The following LEPROTL1 variants were observed in gnomAD, a reference collection of about 807,000 sequenced individuals.
LEPROTL1 encodes the protein leptin receptor overlapping transcript like 1.
A neutral mutation model predicts 15.4 loss-of-function variants in LEPROTL1; 6 were observed. The ratio of observed to expected loss-of-function variants is 0.39; its 90% CI spans 0.21 to 0.77. LEPROTL1 has a LOEUF of 0.77. Ranked by LOEUF, LEPROTL1 falls within the 30% of genes least tolerant of loss-of-function variation. The pLI is 0.41. For missense variants in LEPROTL1, 128 were observed against 158.1 expected (o/e 0.81, Z 1.02); for synonymous variants, 56 against 52.6 (o/e 1.06, Z -0.28).
intron 3 of LEPROTL1, among the ~76,000 whole-genome samples, chr8:30,128,578 C>T (rs1725691458): frequency 6.6e-6 from 1 of 151,932 alleles, no homozygotes; most frequent in African/African-American, 2.4e-5. Flanking sequence ...TGGCAAAACC[C>T]TGTCTGTACA....
intron 2 of LEPROTL1, among the ~76,000 whole-genome samples, chr8:30,103,959 A>C (rs1038810842): frequency 6.6e-6 from 1 of 152,200 alleles, no homozygotes; most frequent in Admixed American, 6.5e-5. Flanking sequence ...TGCCAGAGTC[A>C]TAAGATCTTA....
chr8:30,132,951 TTC>T (rs148689669), intron 4 of LEPROTL1: 40,650 of 1,466,166 alleles, frequency 0.028, 736 homozygotes, highest in Non-Finnish European at 0.031. Flanking sequence ...TCTGTATTTA[TTC>T]TCTCTCTCTT....
chr8:30,135,602 TGAG>T (rs922729008), intron 4 of LEPROTL1, among the ~76,000 whole-genome samples: 6 of 152,058 alleles, frequency 3.9e-5, no homozygotes, highest in South Asian at 2.1e-4. Context: ...GCAAGATTAT[TGAG>T]GAGAACAATG....
chr8:30,107,831 T>G lies in LEPROTL1; in HGVS notation c.*1969T>G. Reference sequence around the variant, plus strand: ...GTCAGTGCAGTGCACTGCTACTGTTTTATCCACTTGGCCACAGACTTTTTC... The same window carrying G: ...GTCAGTGCAGTGCACTGCTACTGTTGTATCCACTTGGCCACAGACTTTTTC... On this transcript the variant is annotated 3_prime_UTR_variant, in exon 4 of 4. Coordinates refer to ENST00000321250, the MANE Select transcript of LEPROTL1 (RefSeq NM_015344.3). The G allele has an allele frequency of 2.0e-6, 2 of 985,446 alleles. No homozygotes were observed. The highest frequency in any genetic ancestry group is 2.4e-6 in the Non-Finnish European group (2 of 829,930). The allele number at this position is 985,446 out of a possible 1,614,324, so 61.0% of individuals were successfully genotyped here. A position where few individuals can be genotyped will look rare whatever the true frequency, so the allele number is the denominator to read the frequency against.
intron 3 of LEPROTL1, among the ~76,000 whole-genome samples, chr8:30,119,493 A>G (rs1384344374): frequency 6.6e-6 from 1 of 152,090 alleles, no homozygotes; most frequent in African/African-American, 2.4e-5. Context: ...GTTTTTTTAT[A>G]TAAACTTTAC....
At chr8:30,100,991 C>T (rs1423147887) in intron 1 of LEPROTL1, among the ~76,000 whole-genome samples, 1 of 152,132 alleles carries the variant, frequency 6.6e-6, no homozygotes, top group Non-Finnish European at 1.5e-5. Context: ...TACAGATTTT[C>T]TAATGTAGAT....
chr8:30,112,168 A>G (rs1030894796), downstream of LEPROTL1, among the ~76,000 whole-genome samples: 13 of 152,142 alleles, frequency 8.5e-5, no homozygotes, highest in Admixed American at 2.6e-4. Flanking sequence ...ACATGCCACA[A>G]TTTGCTTTGT....
intron 3 of LEPROTL1, chr8:30,104,822 C>G (rs1469751102): frequency 6.1e-6 from 1 of 162,940 alleles, no homozygotes; most frequent in Non-Finnish European, 1.3e-5. Context: ...ACGCCATTCT[C>G]CTGCCTCAGC....
chr8:30,132,123 C>T (rs1585481001), intron 3 of LEPROTL1: 1 of 1,551,750 alleles, frequency 6.4e-7, no homozygotes, highest in Non-Finnish European at 8.7e-7. Flanking sequence ...TTCTATAGAA[C>T]AGCCTCATCG....
intron 1 of LEPROTL1, among the ~76,000 whole-genome samples, chr8:30,097,684 A>T (rs867090021): frequency 0.013 from 1,680 of 128,378 alleles, 116 homozygotes; most frequent in African/African-American, 0.05. Flanking sequence ...AAAAAAAAAA[A>T]ATATATATAT....
At chr8:30,133,470 A>G (rs901441033) in intron 4 of LEPROTL1, among the ~76,000 whole-genome samples, 2 of 152,242 alleles carry the variant, frequency 1.3e-5, no homozygotes, top group African/African-American at 2.4e-5. Context: ...ATTTACACGC[A>G]TGTTCAACTT....
chr8:30,129,711 T>TCTCACACA (rs757804315), intron 3 of LEPROTL1, among the ~76,000 whole-genome samples: 30 of 128,386 alleles, frequency 2.3e-4, no homozygotes, highest in East Asian at 5.3e-4. Flanking sequence ...TGAGACCCTG[T>TCTCACACA]CACACACACA....
chr8:30,095,680 T>G (rs1224411346), intron 1 of LEPROTL1, 152 bp downstream of exon 1: 4 of 734,376 alleles, frequency 5.4e-6, no homozygotes, highest in Non-Finnish European at 8.5e-6. Context: ...GCCCTGCGCT[T>G]GGCCCGGAGG....
chr8:30,127,969 A>G (rs1161607870), intron 3 of LEPROTL1, among the ~76,000 whole-genome samples: 1 of 152,090 alleles, frequency 6.6e-6, no homozygotes, highest in East Asian at 1.9e-4. Context: ...CTTGGAAGTA[A>G]TAGAGTGGGT....
chr8:30,106,604 G>A lies in LEPROTL1; in HGVS notation c.*742G>A, dbSNP rs1802572947. On this transcript the variant is annotated 3_prime_UTR_variant, in exon 4 of 4. Transcript: ENST00000321250. ...GGTGTAAAAACATTTTTGAGATAAG[G>A]TTTTTATTTATGTTTATTATTGTTA... The A allele has an allele frequency of 1.4e-5, 14 of 983,718 alleles. No homozygotes were observed. Among genetic ancestry groups the A allele is most frequent in the Non-Finnish European group, 1.7e-5 (14 of 828,084 alleles). 60.9% of individuals were successfully genotyped at this position (983,718 alleles called of 1,614,324 possible). A position where few individuals can be genotyped will look rare whatever the true frequency, so the allele number is the denominator to read the frequency against.
downstream of LEPROTL1, among the ~76,000 whole-genome samples, chr8:30,113,208 A>G (rs1462413305): frequency 6.6e-6 from 1 of 152,044 alleles, no homozygotes; most frequent in Non-Finnish European, 1.5e-5. Flanking sequence ...CCTGGGAGGC[A>G]GAGGTTGCAG....
intron 3 of LEPROTL1, among the ~76,000 whole-genome samples, chr8:30,114,276 T>TTTTTGTTTTGTTTTGTTTTGTTTTG (rs3049944): frequency 6.7e-6 from 1 of 149,428 alleles, no homozygotes; most frequent in Non-Finnish European, 1.5e-5. Flanking sequence ...ACATGATATT[T>TTTTTGTTTTGTTTTGTTTTGTTTTG]TTTTGTTTTG....
At chr8:30,109,936 C>A (rs1456065307), downstream of LEPROTL1, among the ~76,000 whole-genome samples, 1 of 151,474 alleles carries the variant, frequency 6.6e-6, no homozygotes, top group Non-Finnish European at 1.5e-5. Flanking sequence ...GAGGTGTTAC[C>A]ATGCTGTGCA....
At chr8:30,130,567 A>G (rs1344309635) in intron 3 of LEPROTL1, among the ~76,000 whole-genome samples, 2 of 152,208 alleles carry the variant, frequency 1.3e-5, no homozygotes, top group Non-Finnish European at 2.9e-5. Flanking sequence ...GGATATGCCA[A>G]GAAAAAAAGA....
Sources: allele counts gnomAD v4.1 joint callset (sites outside exome capture counted in the v4.1 genomes callset), GRCh38; gene constraint gnomAD v4.1.1; transcripts MANE v1.5; gene names NCBI Gene and HGNC (gene_info 2026-07-23, HGNC 2026-07-21).